Variants in RARB observed in about 807,000 individuals in gnomAD.
RARB encodes retinoic acid receptor beta, also known as HBV-activated protein.
A neutral mutation model predicts 51.9 loss-of-function variants in RARB; 17 were observed. The observed-to-expected ratio is 0.33, with a 90% CI of 0.22 to 0.49. The LOEUF (loss-of-function observed/expected upper bound fraction) is 0.49. Among genes scored for constraint, RARB ranks in the 20% least tolerant of loss-of-function variants. The pLI, the probability that RARB is intolerant of heterozygous loss-of-function variation, is 0.99. For synonymous variants in RARB, 215 were observed against 195.4 expected (o/e 1.10, Z -0.84); for missense variants, 369 against 550.8 (o/e 0.67, Z 3.30).
chr3:25,048,867 T>C (rs1358256391), intron 2 of RARB, among the ~76,000 whole-genome samples: 1 of 148,550 alleles, frequency 6.7e-6, no homozygotes, highest in African/African-American at 2.5e-5. Context: ...GCCATTCTCC[T>C]GCCTCAGCCT....
In RARB at chr3:25,136,411, G is replaced by A. The variant is rs115812317; in HGVS notation, c.-280+4203G>A. ...CAAGTGATGATACCTCTTTTAATGG[G>A]TTTATGGGTTACTGTGAAAACTTTG... is the stretch of plus-strand genomic sequence containing the variant. On this transcript the variant is annotated intron_variant, in intron 4 of 11. Coordinates refer to the RARB transcript ENST00000383772. Among the ~76,000 whole-genome samples, 1,230 of 151,976 alleles carry A rather than the reference G, an allele frequency of 8.1e-3. 6 individuals are homozygous for A. The highest frequency in any genetic ancestry group is 0.013 in the Non-Finnish European group (860 of 67,908).
intron 1 of RARB, among the ~76,000 whole-genome samples, chr3:25,455,854 A>C (rs1694879268): frequency 6.6e-6 from 1 of 152,242 alleles, no homozygotes; most frequent in Admixed American, 6.5e-5. Flanking sequence ...GAACTGAGTA[A>C]GTCCATAAGT....
At chr3:25,509,920 C>T (rs1418234257) in intron 3 of RARB, among the ~76,000 whole-genome samples, 1 of 152,194 alleles carries the variant, frequency 6.6e-6, no homozygotes, top group Admixed American at 6.5e-5. Context: ...CTGCCTTCCT[C>T]CAGATCCGTC....
chr3:25,285,276 A>G (rs1703621428), intron 5 of RARB, among the ~76,000 whole-genome samples: 1 of 152,216 alleles, frequency 6.6e-6, no homozygotes, highest in South Asian at 2.1e-4. Flanking sequence ...TCTGAAGAAC[A>G]AATTAAGTGA....
chr3:25,511,647 T>A lies in RARB; in HGVS notation c.448+10324T>A, dbSNP rs111421546. ...GTTTGAGAAACACTGGTTTTATATGTTCTTGTATCTTAGGAATAGAAGCAG... is the reference window on the plus strand; with the variant it reads ...GTTTGAGAAACACTGGTTTTATATGATCTTGTATCTTAGGAATAGAAGCAG... On this transcript the variant is annotated intron_variant, in intron 3 of 7. Coordinates refer to ENST00000330688, the MANE Select transcript of RARB (RefSeq NM_000965.5). Among the ~76,000 whole-genome samples the A allele has an allele frequency of 5.2e-3, 798 of 152,216 alleles. 3 individuals are homozygous for A. Among genetic ancestry groups the A allele is most frequent in the Non-Finnish European group, 8.2e-3 (559 of 68,024 alleles).
chr3:24,986,436 G>A (rs551919154), intron 2 of RARB, among the ~76,000 whole-genome samples: 169 of 152,292 alleles, frequency 1.1e-3, no homozygotes, highest in African/African-American at 3.8e-3. Context: ...AGTTCCACTT[G>A]TATGGTAAAT....
intron 3 of RARB, among the ~76,000 whole-genome samples, chr3:25,100,073 G>T (rs1046293267): frequency 6.6e-6 from 1 of 152,138 alleles, no homozygotes; most frequent in Non-Finnish European, 1.5e-5. Flanking sequence ...TAGGGGATGA[G>T]AGGTAACAAA....
At chr3:25,329,628 C>T (rs1405753856) in intron 5 of RARB, among the ~76,000 whole-genome samples, 1 of 152,060 alleles carries the variant, frequency 6.6e-6, no homozygotes, top group Non-Finnish European at 1.5e-5. Context: ...TGCAGCTGCT[C>T]GACAGCAATG....
intron 5 of RARB, among the ~76,000 whole-genome samples, chr3:25,189,967 A>C (rs1222401954): frequency 6.6e-6 from 1 of 152,060 alleles, no homozygotes. Flanking sequence ...TTTCCTTTTT[A>C]TGTGCTTGCA....
intron 2 of RARB, among the ~76,000 whole-genome samples, chr3:25,047,914 A>G (rs1313551689): frequency 1.3e-5 from 2 of 152,168 alleles, no homozygotes; most frequent in African/African-American, 4.8e-5. Flanking sequence ...CAAAGTAGAG[A>G]TAATTGAATC....
intron 2 of RARB, among the ~76,000 whole-genome samples, chr3:24,878,292 A>C (rs1223154017): frequency 1.3e-5 from 2 of 151,010 alleles, no homozygotes; most frequent in Non-Finnish European, 2.9e-5. Flanking sequence ...GGTGTGTCCC[A>C]CATATAGCAC....
chr3:24,862,664 AG>A (rs768770846), intron 2 of RARB, among the ~76,000 whole-genome samples: 1 of 152,182 alleles, frequency 6.6e-6, no homozygotes, highest in Non-Finnish European at 1.5e-5. Flanking sequence ...TAGCATATAT[AG>A]GGTTTATATA....
At chr3:25,317,922 C>T (rs907407174) in intron 5 of RARB, among the ~76,000 whole-genome samples, 9 of 100,630 alleles carry the variant, frequency 8.9e-5, no homozygotes, top group African/African-American at 2.7e-4. Context: ...TTCACAAATG[C>T]GGAATTAGTG....
chr3:25,231,874 T>C (rs1318174884), intron 5 of RARB, among the ~76,000 whole-genome samples: 1 of 152,120 alleles, frequency 6.6e-6, no homozygotes, highest in Non-Finnish European at 1.5e-5. Flanking sequence ...CTTTTCATTC[T>C]CTTAGTGTTT....
intron 5 of RARB, among the ~76,000 whole-genome samples, chr3:25,224,299 A>G (rs73042364): frequency 0.084 from 12,815 of 152,272 alleles, 703 homozygotes; most frequent in Non-Finnish European, 0.13. Context: ...GACTGCTAGT[A>G]TGCAGTTTTA....
chr3:25,509,309 C>T lies in RARB; in HGVS notation c.448+7986C>T, dbSNP rs141273400. Among the ~76,000 whole-genome samples, 45 of 152,302 alleles carry T rather than the reference C, an allele frequency of 3.0e-4. 2 individuals carry two copies. The Middle Eastern group carries it at 0.017, about 58-fold the overall frequency. ...ACTCATGGGGTAATGCATTTAGCAC[C>T]GTGCTTGGCACATAGTAAGTGCCGA... On this transcript the variant is annotated intron_variant, in intron 3 of 7. Transcript: ENST00000330688.
chr3:25,126,970 T>G (rs1699869570), intron 3 of RARB, among the ~76,000 whole-genome samples: 1 of 152,090 alleles, frequency 6.6e-6, no homozygotes, highest in African/African-American at 2.4e-5. Context: ...CTTCACACAC[T>G]ACATTCAATG....
chr3:24,888,421 AT>A (rs966555152), intron 2 of RARB, among the ~76,000 whole-genome samples: 1 of 151,752 alleles, frequency 6.6e-6, no homozygotes, highest in African/African-American at 2.4e-5. Flanking sequence ...TTTTATTTTT[AT>A]TTTTTTATTA....
At chr3:24,966,640 C>G (rs1474153353) in intron 2 of RARB, among the ~76,000 whole-genome samples, 2 of 150,450 alleles carry the variant, frequency 1.3e-5, no homozygotes, top group South Asian at 2.1e-4. Context: ...CTCTCTCTCT[C>G]TCTCTGAAGT....
Sources: gnomAD v4.1 joint callset for allele counts (sites outside exome capture counted in the v4.1 genomes callset) on GRCh38, gnomAD v4.1.1 for gene constraint, MANE v1.5 for transcripts, NCBI Gene and HGNC (gene_info 2026-07-23, HGNC 2026-07-21) for gene names.